Variants in EEIG2 observed in about 807,000 individuals in gnomAD.
EEIG2 encodes the protein family with sequence similarity 102 member B.
the EEIG2 span, among the ~76,000 whole-genome samples, chr1:108,630,705 C>T: frequency 6.6e-6 from 1 of 152,144 alleles, no homozygotes; most frequent in Non-Finnish European, 1.5e-5. Context: ...AGCACAGACA[C>T]CAAGGACAGT....
At chr1:108,625,770 CTCTCTG>C in the EEIG2 span, 2 of 113,764 alleles carry the variant, frequency 1.8e-5, no homozygotes, top group Admixed American at 9.5e-5. Flanking sequence ...CTCTCTCTCT[CTCTCTG>C]TGTGTGTGTG....
the EEIG2 span, among the ~76,000 whole-genome samples, chr1:108,615,137 T>C: frequency 6.6e-6 from 1 of 152,230 alleles, no homozygotes; most frequent in Non-Finnish European, 1.5e-5. Context: ...ATTCTTGTAT[T>C]CATTAAGACT....
chr1:108,628,416 G>A, the EEIG2 span: 5 of 1,613,688 alleles, frequency 3.1e-6, no homozygotes, highest in South Asian at 2.2e-5. Flanking sequence ...TGTCACTCCC[G>A]GTCATCTAGT....
the EEIG2 span, among the ~76,000 whole-genome samples, chr1:108,618,162 A>T: frequency 4.6e-5 from 7 of 152,216 alleles, no homozygotes; most frequent in Non-Finnish European, 1.0e-4. Context: ...TATTGGCTCA[A>T]CAAGAGGGAA....
At chr1:108,618,083 A>G in the EEIG2 span, among the ~76,000 whole-genome samples, 1 of 152,120 alleles carries the variant, frequency 6.6e-6, no homozygotes, top group East Asian at 1.9e-4. Flanking sequence ...TAAAGAGAGG[A>G]TTTGGAGTAG....
At chr1:108,599,393 T>A in the EEIG2 span, among the ~76,000 whole-genome samples, 1 of 152,136 alleles carries the variant, frequency 6.6e-6, no homozygotes, top group Non-Finnish European at 1.5e-5. Context: ...TCTCTTGCCG[T>A]TCTCTTTTGC....
At chr1:108,620,216 T>C in the EEIG2 span, among the ~76,000 whole-genome samples, 2 of 152,370 alleles carry the variant, frequency 1.3e-5, no homozygotes, top group East Asian at 3.9e-4. Context: ...ATATAAATTG[T>C]TTTAAATTTA....
the EEIG2 span, chr1:108,625,067 C>T: frequency 4.6e-6 from 1 of 216,204 alleles, no homozygotes; most frequent in South Asian, 1.1e-4. Context: ...TTCTGCCTCT[C>T]GGGTGTCGCT....
At chr1:108,563,071 T>C in the EEIG2 span, among the ~76,000 whole-genome samples, 1 of 152,196 alleles carries the variant, frequency 6.6e-6, no homozygotes, top group African/African-American at 2.4e-5. Context: ...AAAGAGGTAA[T>C]ATAGCAGGCC....
the EEIG2 span, among the ~76,000 whole-genome samples, chr1:108,567,823 C>T: frequency 6.6e-6 from 1 of 152,052 alleles, no homozygotes; most frequent in Non-Finnish European, 1.5e-5. Context: ...CATAGTGAGA[C>T]CCTGTCTTTG....
chr1:108,560,557 G>A, the EEIG2 span: 3 of 1,610,586 alleles, frequency 1.9e-6, no homozygotes, highest in Non-Finnish European at 1.7e-6. Flanking sequence ...TCACCGCCGA[G>A]TCCTCCAGGT....
At chr1:108,636,371 C>G in the EEIG2 span, 1 of 152,108 alleles carries the variant, frequency 6.6e-6, no homozygotes, top group Non-Finnish European at 1.5e-5. Context: ...ATCTGTATAA[C>G]CAGTAATTCC....
At chr1:108,565,554 G>A in the EEIG2 span, among the ~76,000 whole-genome samples, 5 of 152,128 alleles carry the variant, frequency 3.3e-5, no homozygotes, top group Non-Finnish European at 7.4e-5. Flanking sequence ...TTAAACAAAG[G>A]AATAATAGGA....
the EEIG2 span, among the ~76,000 whole-genome samples, chr1:108,580,884 GATC>G: frequency 2.0e-5 from 3 of 152,208 alleles, no homozygotes. Flanking sequence ...ATCTAGCTAA[GATC>G]ATTGATGAAG....
At chr1:108,583,139 A>C in the EEIG2 span, among the ~76,000 whole-genome samples, 3 of 151,834 alleles carry the variant, frequency 2.0e-5, no homozygotes, top group Admixed American at 6.6e-5. Flanking sequence ...TACATACATA[A>C]TTTTTTATGC....
At chr1:108,607,531 C>G in the EEIG2 span, among the ~76,000 whole-genome samples, 2 of 152,076 alleles carry the variant, frequency 1.3e-5, no homozygotes, top group African/African-American at 4.8e-5. Context: ...TGAATAAAAC[C>G]AGGGTTTTGT....
chr1:108,622,286 G>A, the EEIG2 span, among the ~76,000 whole-genome samples: 5 of 152,228 alleles, frequency 3.3e-5, no homozygotes, highest in Non-Finnish European at 7.3e-5. Flanking sequence ...TTAAATAAGA[G>A]AGTAACATGT....
the EEIG2 span, among the ~76,000 whole-genome samples, chr1:108,608,910 T>G: frequency 6.6e-6 from 1 of 152,246 alleles, no homozygotes; most frequent in Non-Finnish European, 1.5e-5. Context: ...CATCTCATGG[T>G]GTCCTCAAAT....
the EEIG2 span, among the ~76,000 whole-genome samples, chr1:108,581,624 G>T: frequency 6.6e-6 from 1 of 152,176 alleles, no homozygotes; most frequent in African/African-American, 2.4e-5. Context: ...CAGATGCGGT[G>T]AAAATAGCAA....
Sources: allele counts gnomAD v4.1 joint callset (sites outside exome capture counted in the v4.1 genomes callset), GRCh38; gene constraint gnomAD v4.1.1; transcripts MANE v1.5; gene names NCBI Gene and HGNC (gene_info 2026-07-23, HGNC 2026-07-21).